Variants in ARHGAP39 observed in about 807,000 individuals in gnomAD.
The protein encoded by ARHGAP39 is Rho GTPase activating protein 39.
Under a neutral mutation model 106.9 loss-of-function variants are expected in ARHGAP39, and 44 were observed. The observed-to-expected ratio is 0.41, with a 90% CI of 0.32 to 0.53. The LOEUF is 0.53. ARHGAP39 is among the 20% of genes least tolerant of loss of function. The pLI, the probability that ARHGAP39 is intolerant of heterozygous loss-of-function variation, is 0.21. For missense variants in ARHGAP39, 1,496 were observed against 1,577.3 expected (o/e 0.95, Z 0.87); for synonymous variants, 768 against 693.2 (o/e 1.11, Z -1.69).
chr8:144,638,208 A>G (rs191431958), intron 1 of ARHGAP39, among the ~76,000 whole-genome samples: 3 of 152,340 alleles, frequency 2.0e-5, no homozygotes, highest in Admixed American at 2.0e-4. Flanking sequence ...GCTGCTGAGA[A>G]GGCAGCCGGC....
chr8:144,539,932 AG>A (rs1333312664), intron 6 of ARHGAP39, among the ~76,000 whole-genome samples: 6 of 152,258 alleles, frequency 3.9e-5, no homozygotes, highest in Non-Finnish European at 8.8e-5. Flanking sequence ...AACAAAAAAA[AG>A]TGGTACAATT....
intron 3 of ARHGAP39, among the ~76,000 whole-genome samples, chr8:144,562,445 G>GACTCCAGTGGTTTCCATCGC (rs1564849364): frequency 2.4e-5 from 3 of 126,648 alleles, no homozygotes; most frequent in African/African-American, 3.9e-5. Flanking sequence ...GTTTCCATCG[G>GACTCCAGTGGTTTCCATCGC]ACTCCAGTGG....
intron 7 of ARHGAP39, 81 bp downstream of exon 7, chr8:144,537,640 A>T: frequency 1.2e-5 from 13 of 1,076,164 alleles, no homozygotes; most frequent in East Asian, 2.6e-5. Flanking sequence ...AAGCGGTTAG[A>T]GAAGAGAAGG....
intron 3 of ARHGAP39, among the ~76,000 whole-genome samples, chr8:144,573,091 CTCATTACTGGGTA>C (rs1331273350): frequency 6.6e-6 from 1 of 152,196 alleles, no homozygotes; most frequent in Non-Finnish European, 1.5e-5. Context: ...ACCCAGCCAT[CTCATTACTGGGTA>C]TATACCCAAA....
upstream of ARHGAP39, among the ~76,000 whole-genome samples, chr8:144,686,214 C>G (rs138778619): frequency 0.012 from 1,868 of 152,290 alleles, 21 homozygotes; most frequent in Non-Finnish European, 0.021. Flanking sequence ...TTCTTCGACT[C>G]TAGAAATACA....
intron 1 of ARHGAP39, among the ~76,000 whole-genome samples, chr8:144,627,721 G>A (rs1252267649): frequency 6.6e-6 from 1 of 152,152 alleles, no homozygotes; most frequent in Non-Finnish European, 1.5e-5. Context: ...TGGTGCCACT[G>A]CACTTCAGCC....
intron 1 of ARHGAP39, among the ~76,000 whole-genome samples, chr8:144,620,024 G>A (rs1450336026): frequency 6.7e-6 from 1 of 150,184 alleles, no homozygotes; most frequent in Non-Finnish European, 1.5e-5. Context: ...GTCCCTGACA[G>A]TGTGTGCCGG....
intron 2 of ARHGAP39, among the ~76,000 whole-genome samples, chr8:144,596,554 C>G (rs1819628817): frequency 6.6e-6 from 1 of 152,224 alleles, no homozygotes; most frequent in African/African-American, 2.4e-5. Context: ...TGGGGTGAAT[C>G]CAGACTGGCC....
In ARHGAP39 at chr8:144,646,947, A is replaced by ATCTGC. The variant is rs1174363287; in HGVS notation, c.-82+38734_-82+38738dup. 6.7e-6 allele frequency among the ~76,000 whole-genome samples: 1 copy of ATCTGC among 148,852 alleles called. No individual in the cohort carries two copies. Among genetic ancestry groups the ATCTGC allele is most frequent in the African/African-American group, 2.5e-5 (1 of 40,418 alleles). On this transcript the variant is annotated intron_variant, in intron 1 of 11. Coordinates refer to ENST00000377307, the MANE Select transcript of ARHGAP39 (RefSeq NM_025251.3). The surrounding 1 kb of genome is among the most constrained non-coding windows in gnomAD (Gnocchi z 5.7). Reference sequence around the variant, plus strand: ...TCCCTGATGGGGCACAGCTGGAGGCATCTGCTCTGCTCTGACCATTTTTTT... The same window carrying ATCTGC: ...TCCCTGATGGGGCACAGCTGGAGGCATCTGCTCTGCTCTGCTCTGACCATTTTTTT...
At chr8:144,652,178 T>C (rs1323438742) in intron 1 of ARHGAP39, among the ~76,000 whole-genome samples, 1 of 151,616 alleles carries the variant, frequency 6.6e-6, no homozygotes, top group East Asian at 1.9e-4. Flanking sequence ...CTGACAAAGA[T>C]CTAGCACTCC....
chr8:144,686,295 T>C (rs1020477804), upstream of ARHGAP39, among the ~76,000 whole-genome samples: 1 of 152,030 alleles, frequency 6.6e-6, no homozygotes, highest in Non-Finnish European at 1.5e-5. Flanking sequence ...TCTCTTCACC[T>C]CCTGTTATTC....
At chr8:144,620,155 G>A (rs1219244174) in intron 1 of ARHGAP39, among the ~76,000 whole-genome samples, 1 of 147,764 alleles carries the variant, frequency 6.8e-6, no homozygotes, top group East Asian at 2.1e-4. Context: ...CTGAGAGCGT[G>A]TGCCCATGTG....
intron 7 of ARHGAP39, among the ~76,000 whole-genome samples, chr8:144,536,169 C>G (rs1424509216): frequency 6.6e-6 from 1 of 152,222 alleles, no homozygotes; most frequent in Non-Finnish European, 1.5e-5. Context: ...GCCTGGACCT[C>G]AGCCCTCATC....
Position 144,547,683 on chromosome 8 carries a change from G to T in ARHGAP39, c.1403C>A (p.Ala468Asp). ...HSQPPTPLPQ[A>D]QEDAMSWSSQ... ...GGACCAGGACATGGCATCCTCCTGG[G>T]CCTGTGGCAGCGGCGTGGGCGGCTG... Residue 468 changes from alanine to aspartate, a missense_variant, in exon 5 of 12, where the codon GCC (alanine) becomes GAC (aspartate). Coordinates refer to ENST00000377307, the MANE Select transcript of ARHGAP39 (RefSeq NM_025251.3). This position sits in a 1 kb window ranked among gnomAD's most constrained non-coding sequence, Gnocchi z 5.2. The T allele has an allele frequency of 1.3e-6, 2 of 1,576,672 alleles. No individual in the cohort carries two copies. Among genetic ancestry groups the T allele is most frequent in the Non-Finnish European group, 8.6e-7 (1 of 1,167,072 alleles).
In ARHGAP39 at chr8:144,675,757, C is replaced by T. The variant is rs550554389; in HGVS notation, c.-82+9929G>A. Among the ~76,000 whole-genome samples the T allele has an allele frequency of 1.7e-3, 256 of 151,684 alleles. 1 individual carries two copies. The highest frequency in any genetic ancestry group is 5.8e-3 in the African/African-American group (240 of 41,286). The stretch of plus-strand genomic sequence containing the variant: ...TGCGTCTGGAGTTGTTCATTCCTTC[C>T]GGTGGGTTCGTGGTCTCGCTGGCCT... On this transcript the variant is annotated intron_variant, in intron 1 of 11. Transcript: ENST00000377307.
In ARHGAP39 at chr8:144,656,807, CAAAAAAA is replaced by C. The variant is rs35058065; in HGVS notation, c.-82+28872_-82+28878del. 7.7e-3 allele frequency among the ~76,000 whole-genome samples: 324 copies of C among 42,340 alleles called. 3 individuals are homozygous for C. The highest frequency in any genetic ancestry group is 0.036 in the Middle Eastern group (1 of 28). 27.8% of individuals were successfully genotyped at this position (42,340 alleles called of 152,430 possible). A position where few individuals can be genotyped will look rare whatever the true frequency, so the allele number is the denominator to read the frequency against. ...TGGATGACAGAGCAAGACTCCATCTCAAAAAAAAAAAAAAAAAAAAAAAAAGTGAGTC... is the reference window on the plus strand; with the variant it reads ...TGGATGACAGAGCAAGACTCCATCTCAAAAAAAAAAAAAAAAAAGTGAGTC... On this transcript the variant is annotated intron_variant, in intron 1 of 11. Transcript: ENST00000377307.
chr8:144,697,431 T>C, the ARHGAP39 span, among the ~76,000 whole-genome samples: 4 of 152,330 alleles, frequency 2.6e-5, no homozygotes, highest in East Asian at 7.7e-4. Flanking sequence ...TTTATTCCTA[T>C]TTTCTTTGAA....
In ARHGAP39 at chr8:144,647,130, G is replaced by A. The variant is rs373678163; in HGVS notation, c.-82+38556C>T. Among the ~76,000 whole-genome samples, 10 of 151,954 alleles carry A rather than the reference G, an allele frequency of 6.6e-5. 1 individual carries two copies. Among genetic ancestry groups the A allele is most frequent in the South Asian group, 2.1e-4 (1 of 4,816 alleles). ...ACTACAGCCACCCGCCACCATGCCC[G>A]GCTAATTTTTGTATTTTTCGTAGAG... On this transcript the variant is annotated intron_variant, in intron 1 of 11. Coordinates refer to ENST00000377307, the MANE Select transcript of ARHGAP39 (RefSeq NM_025251.3). The surrounding 1 kb of genome is among the most constrained non-coding windows in gnomAD (Gnocchi z 4.8).
chr8:144,690,300 G>A (rs1822715936), upstream of ARHGAP39, among the ~76,000 whole-genome samples: 1 of 151,668 alleles, frequency 6.6e-6, no homozygotes, highest in South Asian at 2.1e-4. Context: ...TTTAGTAGAG[G>A]CGGGTTTTCA....
Sources: allele counts gnomAD v4.1 joint callset (sites outside exome capture counted in the v4.1 genomes callset), GRCh38; gene constraint gnomAD v4.1.1; non-coding constraint Gnocchi (gnomAD v3.1); transcripts MANE v1.5; gene names NCBI Gene and HGNC (gene_info 2026-07-23, HGNC 2026-07-21).